The following HS6ST2 variants were observed in gnomAD, a reference collection of about 807,000 sequenced individuals.
The protein encoded by HS6ST2 is heparan sulfate 6-O-sulfotransferase 2.
HS6ST2 carries 17 observed loss-of-function variants against 33.0 expected under a neutral mutation model. That is an observed-to-expected ratio of 0.52 (90% confidence interval 0.35 to 0.77). HS6ST2 has a LOEUF of 0.77. Among genes scored for constraint, HS6ST2 ranks in the 30% least tolerant of loss-of-function variants. The probability of loss-of-function intolerance (pLI) is 0.01; values close to 1 mark genes in which losing one functional copy is unlikely to be tolerated. For missense variants in HS6ST2, 519 were observed against 551.7 expected, an observed-to-expected ratio of 0.94 and a Z score of 0.59; for synonymous variants, 248 against 237.1, an observed-to-expected ratio of 1.05 and a Z score of -0.42.
intron 4 of HS6ST2, among the ~76,000 whole-genome samples, chrX:132,662,401 T>C (rs1477036899): frequency 1.8e-5 from 2 of 112,218 alleles, no homozygotes; most frequent in Non-Finnish European, 3.8e-5. Context: ...TTCCAGACAG[T>C]GCCTGGGAAC....
intron 2 of HS6ST2, among the ~76,000 whole-genome samples, chrX:132,896,607 ATGCTT>A (rs2066378773): frequency 8.9e-6 from 1 of 112,031 alleles, no homozygotes; most frequent in African/African-American, 3.2e-5. Flanking sequence ...CAAAGGGTAA[ATGCTT>A]GAGGGGATGG....
chrX:132,632,850 G>T (rs914201895), intron 4 of HS6ST2, among the ~76,000 whole-genome samples: 2 of 110,582 alleles, frequency 1.8e-5, no homozygotes, highest in African/African-American at 6.6e-5. Flanking sequence ...GCCAAGGTGG[G>T]CAGATCACTT....
intron 2 of HS6ST2, among the ~76,000 whole-genome samples, chrX:132,947,332 C>T (rs1242541049): frequency 1.8e-5 from 2 of 109,281 alleles, no homozygotes; most frequent in African/African-American, 3.3e-5. Context: ...TTGTTCAAAT[C>T]CTCTGTATCC....
At chrX:132,640,123 C>T (rs777746418) in intron 4 of HS6ST2, among the ~76,000 whole-genome samples, 1 of 110,433 alleles carries the variant, frequency 9.1e-6, no homozygotes, top group Non-Finnish European at 1.9e-5. Flanking sequence ...CTAGAAGTCG[C>T]CATAATTAGA....
At chrX:132,941,504 A>G (rs1295616374) in intron 2 of HS6ST2, among the ~76,000 whole-genome samples, 1 of 112,467 alleles carries the variant, frequency 8.9e-6, no homozygotes, top group Non-Finnish European at 1.9e-5. Context: ...GCATGTATGC[A>G]AATTCTGGCA....
chrX:132,708,610 A>T, intron 2 of HS6ST2, 116 bp from the exon 3 acceptor site: 4 of 627,219 alleles, frequency 6.4e-6, no homozygotes, highest in Non-Finnish European at 5.0e-6. Context: ...CCCAAACCTT[A>T]GGGAAACAGC....
chrX:132,830,244 T>C (rs181959963), intron 2 of HS6ST2, among the ~76,000 whole-genome samples: 2 of 112,205 alleles, frequency 1.8e-5, no homozygotes, highest in Non-Finnish European at 3.8e-5. Flanking sequence ...TTAAATATTT[T>C]CCAGAGTGCT....
At chrX:132,706,896 A>G (rs1569482552) in intron 3 of HS6ST2, among the ~76,000 whole-genome samples, 1 of 111,815 alleles carries the variant, frequency 8.9e-6, no homozygotes, top group Non-Finnish European at 1.9e-5. Context: ...GATATTTACC[A>G]AAACCGTTTC....
intron 2 of HS6ST2, among the ~76,000 whole-genome samples, chrX:132,930,482 T>A (rs189244821): frequency 9.0e-6 from 1 of 111,353 alleles, no homozygotes; most frequent in East Asian, 2.8e-4. Context: ...AGGCTCTTTG[T>A]CCCTATTGGC....
intron 2 of HS6ST2, among the ~76,000 whole-genome samples, chrX:132,888,858 T>C (rs2066278133): frequency 9.0e-6 from 1 of 110,961 alleles, no homozygotes; most frequent in South Asian, 3.9e-4. Flanking sequence ...CTGATGTGTA[T>C]GTGCTTGTGT....
intron 2 of HS6ST2, among the ~76,000 whole-genome samples, chrX:132,794,574 G>GATGATGATGATGATGATGATGATGATT (rs916088563): frequency 2.0e-5 from 2 of 99,097 alleles, no homozygotes; most frequent in African/African-American, 7.9e-5. Context: ...TGATGATGAT[G>GATGATGATGATGATGATGATGATGATT]ATTATTATTA....
intron 3 of HS6ST2, among the ~76,000 whole-genome samples, chrX:132,686,857 T>C (rs1460558572): frequency 9.0e-6 from 1 of 111,558 alleles, no homozygotes; most frequent in Admixed American, 9.5e-5. Flanking sequence ...CTACTGTTGT[T>C]GCAATAACAA....
intron 2 of HS6ST2, among the ~76,000 whole-genome samples, chrX:132,828,977 T>C (rs1302882283): frequency 9.7e-6 from 1 of 103,264 alleles, no homozygotes; most frequent in Non-Finnish European, 2.0e-5. Flanking sequence ...TTTTCTAACA[T>C]TAATTACAAT....
chrX:132,748,404 T>C (rs1022236536), intron 2 of HS6ST2, among the ~76,000 whole-genome samples: 1 of 111,851 alleles, frequency 8.9e-6, no homozygotes, highest in Non-Finnish European at 1.9e-5. Flanking sequence ...TTCTCACATT[T>C]AACTCCTCTC....
chrX:132,931,260 A>T (rs2066765607), intron 2 of HS6ST2, among the ~76,000 whole-genome samples: 1 of 111,633 alleles, frequency 9.0e-6, no homozygotes, highest in Non-Finnish European at 1.9e-5. Flanking sequence ...CCTAGCTCCC[A>T]GTCAAGAGCT....
intron 2 of HS6ST2, among the ~76,000 whole-genome samples, chrX:132,780,340 T>A (rs1000013089): frequency 6.3e-5 from 7 of 110,776 alleles, no homozygotes; most frequent in Non-Finnish European, 1.3e-4. Flanking sequence ...CCTCCCTTCA[T>A]CCTGGCTGAA....
At position 132,922,487 on chromosome X, in the gene HS6ST2, C is replaced by T. The variant is rs1353395320; in HGVS notation, c.947+34321G>A. ...AAGCCACATGGCCATGGTCCTTATC[C>T]AAATCTGACCAACATTTCAGGGCTC... On this transcript the variant is annotated intron_variant, in intron 2 of 4. Coordinates refer to ENST00000370833, the MANE Select transcript of HS6ST2 (RefSeq NM_001394073.1). Among the ~76,000 whole-genome samples the T allele has an allele frequency of 3.6e-5, 4 of 111,880 alleles. No homozygotes were observed. The East Asian group carries it at 8.4e-4, about 24-fold the overall frequency.
intron 2 of HS6ST2, among the ~76,000 whole-genome samples, chrX:132,821,210 CT>C (rs397895430): frequency 0.32 from 24,709 of 76,909 alleles, 3,820 homozygotes; most frequent in African/African-American, 0.41. Context: ...CATTCCCATT[CT>C]TTTTTTTTTT....
At chrX:132,898,483 A>C in intron 2 of HS6ST2, among the ~76,000 whole-genome samples, 1 of 107,798 alleles carries the variant, frequency 9.3e-6, no homozygotes, top group East Asian at 2.9e-4. Flanking sequence ...CTGGCATCAC[A>C]AAAACGTATT....
Sources: gnomAD v4.1 joint callset for allele counts (sites outside exome capture counted in the v4.1 genomes callset) on GRCh38, gnomAD v4.1.1 for gene constraint, MANE v1.5 for transcripts, NCBI Gene and HGNC (gene_info 2026-07-23, HGNC 2026-07-21) for gene names.